ZCWPW2: variants seen among roughly 807,000 people sequenced by gnomAD.
The protein encoded by ZCWPW2 is zinc finger CW-type PWWP domain protein 2.
In ZCWPW2, 45 loss-of-function variants were observed where a neutral mutation model predicts 46.6. The observed-to-expected ratio is 0.96, with a 90% CI of 0.76 to 1.24. The LOEUF is 1.24. Ranked by LOEUF, ZCWPW2 falls within the 50% of genes most tolerant of loss-of-function variation. The pLI is 0.00. For missense variants in ZCWPW2, 429 were observed against 403.9 expected (o/e 1.06, Z -0.53); for synonymous variants, 152 against 137.1 (o/e 1.11, Z -0.76).
chr3:28,436,905 A>T (rs1404153684), intron 4 of ZCWPW2, among the ~76,000 whole-genome samples: 3 of 152,198 alleles, frequency 2.0e-5, no homozygotes, highest in African/African-American at 7.2e-5. Context: ...TTAGAATCTT[A>T]CCTCAGGATA....
intron 4 of ZCWPW2, among the ~76,000 whole-genome samples, chr3:28,439,516 C>T (rs1256060805): frequency 1.3e-5 from 2 of 152,090 alleles, no homozygotes; most frequent in Non-Finnish European, 2.9e-5. Flanking sequence ...ACTTTGTATC[C>T]TTCAATTCAA....
chr3:28,481,306 C>A (rs893974093), intron 5 of ZCWPW2, among the ~76,000 whole-genome samples: 1 of 152,082 alleles, frequency 6.6e-6, no homozygotes, highest in African/African-American at 2.4e-5. Flanking sequence ...TGCAGTGGCG[C>A]GATCTTGGCT....
In ZCWPW2 at chr3:28,435,008, G is replaced by A. The variant is rs1183706085; in HGVS notation, c.333-102G>A. On this transcript the variant is annotated intron_variant, in intron 3 of 9. Transcript: ENST00000383768. ...GTAGGAATATATGTTTTGTGAAAAG[G>A]CATTAAAATTCAAAGGAGGAAGTTA... 7 of 1,217,436 alleles carry A rather than the reference G, an allele frequency of 5.7e-6. No homozygotes were observed. In the East Asian group the frequency reaches 1.3e-4, roughly 22 times the overall value. 75.4% of individuals were successfully genotyped at this position (1,217,436 alleles called of 1,614,324 possible). A position where few individuals can be genotyped will look rare whatever the true frequency, so the allele number is the denominator to read the frequency against.
In ZCWPW2 at chr3:28,453,975, T is replaced by G. The variant is rs868366887; in HGVS notation, c.492+18706T>G. Among the ~76,000 whole-genome samples the G allele has an allele frequency of 2.4e-3, 367 of 151,376 alleles. 1 individual carries two copies. Among genetic ancestry groups the G allele is most frequent in the African/African-American group, 8.0e-3 (333 of 41,402 alleles). On this transcript the variant is annotated intron_variant, in intron 4 of 9. Transcript: ENST00000383768. Reference sequence around the variant, plus strand: ...TTCACCTGCCTCAGCCTCCCGAGTATCTGGGACTACAGGCACCCGCCACCA... The same window carrying G: ...TTCACCTGCCTCAGCCTCCCGAGTAGCTGGGACTACAGGCACCCGCCACCA...
intron 6 of ZCWPW2, among the ~76,000 whole-genome samples, chr3:28,502,609 G>A (rs939470642): frequency 5.3e-5 from 8 of 152,086 alleles, no homozygotes; most frequent in Non-Finnish European, 8.8e-5. Context: ...GAAAACAATA[G>A]TATGTTGTAG....
At chr3:28,437,084 A>G (rs1697529539) in intron 4 of ZCWPW2, among the ~76,000 whole-genome samples, 1 of 152,226 alleles carries the variant, frequency 6.6e-6, no homozygotes. Context: ...TATTAAATAC[A>G]TGCTCCCAAC....
intron 3 of ZCWPW2, among the ~76,000 whole-genome samples, chr3:28,433,470 T>G (rs1156263624): frequency 6.6e-6 from 1 of 152,122 alleles, no homozygotes; most frequent in Non-Finnish European, 1.5e-5. Flanking sequence ...AGTTTTCATT[T>G]AAATAAAGAA....
intron 4 of ZCWPW2, among the ~76,000 whole-genome samples, chr3:28,450,409 T>C (rs1698179604): frequency 6.6e-6 from 1 of 152,230 alleles, no homozygotes. Context: ...AATTTGTAGA[T>C]ATTGCTGATT....
intron 4 of ZCWPW2, among the ~76,000 whole-genome samples, chr3:28,458,243 T>G (rs751865364): frequency 4.6e-5 from 7 of 152,210 alleles, no homozygotes; most frequent in Admixed American, 6.5e-5. Flanking sequence ...TGCCTCTACT[T>G]TCTCATCTGT....
intron 4 of ZCWPW2, among the ~76,000 whole-genome samples, chr3:28,435,770 G>A (rs536744998): frequency 2.0e-5 from 3 of 152,276 alleles, no homozygotes; most frequent in Middle Eastern, 3.4e-3. Flanking sequence ...ACAGGCGTGA[G>A]CCACTGCGCC....
chr3:28,524,985 C>T lies in ZCWPW2; in HGVS notation c.*297C>T, dbSNP rs3816573. The T allele has an allele frequency of 0.39, 66,551 of 172,220 alleles. 13,525 individuals carry two copies. Among genetic ancestry groups the T allele is most frequent in the East Asian group, 0.6 (3,628 of 6,018 alleles). 10.7% of individuals were successfully genotyped at this position (172,220 alleles called of 1,614,324 possible). On this transcript the variant is annotated 3_prime_UTR_variant, in exon 10 of 10. Coordinates refer to ENST00000383768, the MANE Select transcript of ZCWPW2 (RefSeq NM_001040432.4). ...ATTTGCCTAACAAACATATGTTTTA[C>T]AATGATTGTTTAGGCCCTTTGTTCA...
chr3:28,491,328 G>A (rs1699805086), intron 5 of ZCWPW2, among the ~76,000 whole-genome samples: 2 of 152,042 alleles, frequency 1.3e-5, no homozygotes, highest in Admixed American at 1.3e-4. Context: ...TATATTTTAT[G>A]ACAACAGTTG....
At chr3:28,369,023 G>A (rs1705219669) in intron 1 of ZCWPW2, among the ~76,000 whole-genome samples, 1 of 152,048 alleles carries the variant, frequency 6.6e-6, no homozygotes, top group African/African-American at 2.4e-5. Flanking sequence ...GTCCTTTAAG[G>A]ACTTCTCTGC....
intron 6 of ZCWPW2, among the ~76,000 whole-genome samples, chr3:28,493,257 T>A (rs1163271557): frequency 7.0e-6 from 1 of 141,868 alleles, no homozygotes; most frequent in Non-Finnish European, 1.5e-5. Context: ...CACTAACGTG[T>A]CATCTAGCAT....
intron 4 of ZCWPW2, among the ~76,000 whole-genome samples, chr3:28,451,779 C>T (rs1259606448): frequency 6.6e-6 from 1 of 152,188 alleles, no homozygotes; most frequent in Non-Finnish European, 1.5e-5. Flanking sequence ...ATTTTGCCAT[C>T]AGAGTAGTGG....
rs1454990411 is a variant in ZCWPW2 at position 28,516,266 on chromosome 3, TAA to T, written c.784+647_784+648del. ...ACAAGATTCCCTCTCAATAAATAAA[TAA>T]ATAAATAAATAAATAAATAAATAAA... On this transcript the variant is annotated intron_variant, in intron 8 of 9. Transcript: ENST00000383768. Among the ~76,000 whole-genome samples, 4 of 145,492 alleles carry T rather than the reference TAA, an allele frequency of 2.7e-5. No homozygotes were observed. In the East Asian group the frequency reaches 8.1e-4, roughly 30 times the overall value.
chr3:28,434,966 A>G (rs1268414461), intron 3 of ZCWPW2, 144 bp from the exon 4 acceptor site: 2 of 840,836 alleles, frequency 2.4e-6, no homozygotes, highest in Admixed American at 3.3e-5. Flanking sequence ...CAAATATCCT[A>G]CCTTTGAAAG....
intron 1 of ZCWPW2, among the ~76,000 whole-genome samples, chr3:28,369,668 C>A (rs900758359): frequency 1.1e-4 from 16 of 152,232 alleles, no homozygotes; most frequent in African/African-American, 3.6e-4. Context: ...GGGGGAACCA[C>A]TACTCTCTTC....
intron 1 of ZCWPW2, among the ~76,000 whole-genome samples, chr3:28,360,349 C>CAAAAA (rs71087692): frequency 2.4e-4 from 13 of 53,922 alleles, no homozygotes; most frequent in African/African-American, 5.7e-4. Flanking sequence ...ACTAAAAATA[C>CAAAAA]AAAAAAAAAA....
Sources: allele counts gnomAD v4.1 joint callset (sites outside exome capture counted in the v4.1 genomes callset), GRCh38; gene constraint gnomAD v4.1.1; transcripts MANE v1.5; gene names NCBI Gene and HGNC (gene_info 2026-07-23, HGNC 2026-07-21).